The following CAMTA1 variants were observed in gnomAD, a reference collection of about 807,000 sequenced individuals.
The protein encoded by CAMTA1 is calmodulin binding transcription activator 1.
CAMTA1 carries 27 observed loss-of-function variants against 170.9 expected under a neutral mutation model. The observed-to-expected ratio is 0.16, with a 90% CI of 0.12 to 0.22. The LOEUF (loss-of-function observed/expected upper bound fraction) is 0.22. Ranked by LOEUF, CAMTA1 falls within the 10% of genes least tolerant of loss-of-function variation. CAMTA1 has a pLI of 1.00. For synonymous variants in CAMTA1, 833 were observed against 891.5 expected (o/e 0.93, Z 1.17); for missense variants, 1,619 against 2,217.2 (o/e 0.73, Z 5.42).
At chr1:7,540,813 T>C (rs2094601665) in intron 6 of CAMTA1, among the ~76,000 whole-genome samples, 1 of 152,176 alleles carries the variant, frequency 6.6e-6, no homozygotes, top group African/African-American at 2.4e-5. Flanking sequence ...AACCTGAAAC[T>C]CTGGTCCTTG....
At chr1:6,792,251 C>T (rs2148053089) in intron 1 of CAMTA1, among the ~76,000 whole-genome samples, 1 of 152,132 alleles carries the variant, frequency 6.6e-6, no homozygotes, top group Admixed American at 6.5e-5. Flanking sequence ...AGCCAATGTG[C>T]CTGGCCGGAA....
At chr1:7,107,444 C>T (rs575840720) in intron 4 of CAMTA1, among the ~76,000 whole-genome samples, 5 of 152,234 alleles carry the variant, frequency 3.3e-5, no homozygotes, top group East Asian at 1.9e-4. Context: ...TGGTGGGGAA[C>T]GGCATGCCCT....
chr1:6,794,606 G>C (rs1415967998), intron 1 of CAMTA1, among the ~76,000 whole-genome samples: 1 of 152,210 alleles, frequency 6.6e-6, no homozygotes, highest in Non-Finnish European at 1.5e-5. Context: ...CCAAGGATGT[G>C]AGGGTCACTG....
At chr1:6,842,083 A>C (rs1196640594) in intron 3 of CAMTA1, among the ~76,000 whole-genome samples, 1 of 152,068 alleles carries the variant, frequency 6.6e-6, no homozygotes, top group Non-Finnish European at 1.5e-5. Context: ...CACTTCCCTT[A>C]CACTTCTGCT....
chr1:7,765,946 G>A (rs1476695763), intron 22 of CAMTA1, among the ~76,000 whole-genome samples: 1 of 150,040 alleles, frequency 6.7e-6, no homozygotes, highest in East Asian at 2.0e-4. Context: ...AGAATTGCGT[G>A]AACCCGGGAG....
chr1:7,711,510 A>G (rs184832027), intron 11 of CAMTA1, among the ~76,000 whole-genome samples: 57 of 152,320 alleles, frequency 3.7e-4, no homozygotes, highest in Admixed American at 1.2e-3. Flanking sequence ...TCCTGAAGCT[A>G]CAGAAACTCA....
chr1:7,754,056 A>C (rs1250339445), intron 21 of CAMTA1, among the ~76,000 whole-genome samples: 1 of 152,196 alleles, frequency 6.6e-6, no homozygotes, highest in South Asian at 2.1e-4. Context: ...TGGTGAACAG[A>C]TCAAGGACTC....
intron 6 of CAMTA1, among the ~76,000 whole-genome samples, chr1:7,513,243 A>G (rs2094228167): frequency 6.6e-6 from 1 of 152,124 alleles, no homozygotes; most frequent in South Asian, 2.1e-4. Flanking sequence ...GCCAGATGCT[A>G]GGATGTGGGA....
rs573220304 is a variant in CAMTA1, at chr1:6,982,237, C to T, written c.235-109067C>T. 1.9e-4 allele frequency among the ~76,000 whole-genome samples: 29 copies of T among 152,192 alleles called. No homozygotes were observed. In the East Asian group the frequency reaches 4.8e-3, roughly 25 times the overall value. On this transcript the variant is annotated intron_variant, in intron 3 of 22. Transcript: ENST00000303635. Reference sequence around the variant, plus strand: ...CCTGAGTGTTCTCTGGTAGGTGCGCCGATGGCCAGTGTCTGGGAGATCCCC... The same window carrying T: ...CCTGAGTGTTCTCTGGTAGGTGCGCTGATGGCCAGTGTCTGGGAGATCCCC...
chr1:7,730,182 G>A (rs2096721049), intron 11 of CAMTA1, among the ~76,000 whole-genome samples: 1 of 152,188 alleles, frequency 6.6e-6, no homozygotes, highest in South Asian at 2.1e-4. Context: ...TGAGGAAACG[G>A]AGGCATGAAA....
At chr1:7,321,884 G>A (rs370820130) in intron 5 of CAMTA1, among the ~76,000 whole-genome samples, 1 of 152,072 alleles carries the variant, frequency 6.6e-6, no homozygotes, top group Admixed American at 6.6e-5. Flanking sequence ...TCCCCTGCTG[G>A]GTTACACCAC....
chr1:7,314,787 A>G (rs2149644115), intron 5 of CAMTA1, among the ~76,000 whole-genome samples: 1 of 152,320 alleles, frequency 6.6e-6, no homozygotes, highest in Admixed American at 6.5e-5. Context: ...CATAAAGTCT[A>G]CATTCATGGA....
intron 4 of CAMTA1, among the ~76,000 whole-genome samples, chr1:7,175,420 G>C (rs1419529373): frequency 1.3e-5 from 2 of 152,192 alleles, no homozygotes; most frequent in Non-Finnish European, 2.9e-5. Flanking sequence ...AGAGTATCTT[G>C]TTTGAACAGT....
intron 3 of CAMTA1, among the ~76,000 whole-genome samples, chr1:7,011,256 G>A (rs747491064): frequency 6.6e-6 from 1 of 152,146 alleles, no homozygotes; most frequent in African/African-American, 2.4e-5. Flanking sequence ...CGAGACTGGA[G>A]GGCAATGCTG....
chr1:6,967,379 G>C (rs1691750639), intron 3 of CAMTA1, among the ~76,000 whole-genome samples: 2 of 152,222 alleles, frequency 1.3e-5, no homozygotes, highest in South Asian at 4.1e-4. Flanking sequence ...GGGTGGAACT[G>C]CGTTTCCTCT....
At chr1:7,012,281 A>C (rs965399651) in intron 3 of CAMTA1, among the ~76,000 whole-genome samples, 1 of 151,980 alleles carries the variant, frequency 6.6e-6, no homozygotes, top group African/African-American at 2.4e-5. Context: ...CCTCTCTCTT[A>C]GCTGTTGACC....
At chr1:7,702,166 T>A (rs1445130160) in intron 11 of CAMTA1, among the ~76,000 whole-genome samples, 1 of 151,482 alleles carries the variant, frequency 6.6e-6, no homozygotes, top group African/African-American at 2.4e-5. Flanking sequence ...CCCAACCCAC[T>A]CAGCAGGGCT....
chr1:6,929,756 C>T (rs1420000698), intron 3 of CAMTA1, among the ~76,000 whole-genome samples: 1 of 152,228 alleles, frequency 6.6e-6, no homozygotes, highest in African/African-American at 2.4e-5. Flanking sequence ...CTCGGCCTCC[C>T]AAAGTGTTGG....
At chr1:7,344,968 G>T (rs1343070367) in intron 5 of CAMTA1, among the ~76,000 whole-genome samples, 1 of 151,826 alleles carries the variant, frequency 6.6e-6, no homozygotes. Context: ...AGCCAGGATG[G>T]TCTCCATCTC....
Sources: gnomAD v4.1 joint callset for allele counts (sites outside exome capture counted in the v4.1 genomes callset) on GRCh38, gnomAD v4.1.1 for gene constraint, MANE v1.5 for transcripts, NCBI Gene and HGNC (gene_info 2026-07-23, HGNC 2026-07-21) for gene names.